GTF2I: variants seen among roughly 807,000 people sequenced by gnomAD.
The protein encoded by GTF2I is general transcription factor IIi.
GTF2I carries 12 observed loss-of-function variants against 67.6 expected under a neutral mutation model. That is an observed-to-expected ratio of 0.18 (90% CI 0.11 to 0.29). The LOEUF is 0.29. GTF2I is among the 10% of genes least tolerant of loss of function. GTF2I has a pLI of 1.00. For missense variants in GTF2I, 271 were observed against 580.1 expected, an observed-to-expected ratio of 0.47 and a Z score of 5.47; for synonymous variants, 149 against 197.0, an observed-to-expected ratio of 0.76 and a Z score of 2.04.
chr7:74,706,820 T>C (rs1247645718), intron 8 of GTF2I, among the ~76,000 whole-genome samples: 1 of 152,194 alleles, frequency 6.6e-6, no homozygotes, highest in Non-Finnish European at 1.5e-5. Flanking sequence ...CCATTTTCAA[T>C]TCTCAAATAA....
intron 19 of GTF2I, 131 bp from the exon 20 acceptor site, chr7:74,743,316 CTG>C: frequency 4.3e-6 from 1 of 234,904 alleles, no homozygotes; most frequent in Non-Finnish European, 7.9e-6. Flanking sequence ...GAGCAAGACT[CTG>C]TCTCAAAAAA....
intron 8 of GTF2I, among the ~76,000 whole-genome samples, chr7:74,710,051 G>C (rs1791331710): frequency 6.6e-6 from 1 of 152,194 alleles, no homozygotes; most frequent in South Asian, 2.1e-4. Flanking sequence ...AAAGGTCTCA[G>C]ATGCAGTGTT....
At chr7:74,732,111 A>C (rs587610298) in intron 14 of GTF2I, among the ~76,000 whole-genome samples, 1 of 147,780 alleles carries the variant, frequency 6.8e-6, no homozygotes, top group African/African-American at 2.5e-5. Context: ...ACACATATAC[A>C]TATATATGTA....
At chr7:74,668,083 C>T (rs13241211) in intron 1 of GTF2I, among the ~76,000 whole-genome samples, 4 of 151,486 alleles carry the variant, frequency 2.6e-5, no homozygotes, top group Non-Finnish European at 4.4e-5. Context: ...CCACTTGCCT[C>T]GGCCTCCCAA....
At chr7:74,718,059 C>T (rs1238943989) in intron 11 of GTF2I, among the ~76,000 whole-genome samples, 1 of 152,172 alleles carries the variant, frequency 6.6e-6, no homozygotes, top group Non-Finnish European at 1.5e-5. Context: ...ATGTGCAGTA[C>T]GAGGGCTCAT....
intron 1 of GTF2I, among the ~76,000 whole-genome samples, chr7:74,670,689 C>CAAAAAAAAACA (rs1218379931): frequency 1.2e-5 from 1 of 80,906 alleles, no homozygotes; most frequent in Non-Finnish European, 2.4e-5. Context: ...GACTCTTTCT[C>CAAAAAAAAACA]AAAAAAAAAC....
intron 3 of GTF2I, among the ~76,000 whole-genome samples, chr7:74,694,915 T>TA (rs1243503083): frequency 2.6e-5 from 4 of 152,166 alleles, no homozygotes; most frequent in African/African-American, 9.7e-5. Flanking sequence ...CCTGAAGAGT[T>TA]ACACTAAATC....
chr7:74,701,871 T>C (rs1789818841), intron 6 of GTF2I, among the ~76,000 whole-genome samples: 1 of 152,256 alleles, frequency 6.6e-6, no homozygotes, highest in Non-Finnish European at 1.5e-5. Flanking sequence ...TGGGATGCTT[T>C]CATCGTCCCT....
chr7:74,689,308 A>G, intron 2 of GTF2I, 81 bp downstream of exon 2: 1 of 606,650 alleles, frequency 1.6e-6, no homozygotes, highest in Non-Finnish European at 2.8e-6. Flanking sequence ...TGGAAGATAG[A>G]ATTTTATGGT....
rs1047255940 is a variant in GTF2I, at chr7:74,704,720, T to C, written c.587-444T>C. ...GAAAACAATTAGCTGGGAGTGGTAA[T>C]GCATGCTTCTGTAGTCCCAGCTACT... On this transcript the variant is annotated intron_variant, in intron 6 of 34. Coordinates refer to ENST00000573035, the MANE Select transcript of GTF2I (RefSeq NM_032999.4). 1.3e-4 allele frequency among the ~76,000 whole-genome samples: 19 copies of C among 151,946 alleles called. No homozygotes were observed. The Middle Eastern group carries it at 0.01, about 82-fold the overall frequency.
chr7:74,704,098 TGATAGCA>T (rs1156792788), intron 6 of GTF2I, among the ~76,000 whole-genome samples: 1 of 152,148 alleles, frequency 6.6e-6, no homozygotes, highest in East Asian at 1.9e-4. Context: ...ACAGCATTGG[TGATAGCA>T]GACATCACCT....
intron 1 of GTF2I, among the ~76,000 whole-genome samples, chr7:74,660,538 T>C (rs1343568940): frequency 6.6e-6 from 1 of 152,056 alleles, no homozygotes; most frequent in East Asian, 1.9e-4. Flanking sequence ...TCCTTCTTAG[T>C]CTCCCAATCA....
intron 6 of GTF2I, among the ~76,000 whole-genome samples, chr7:74,704,821 C>T (rs1165118190): frequency 7.7e-6 from 1 of 129,936 alleles, no homozygotes; most frequent in African/African-American, 2.9e-5. Context: ...TGCCACTGCA[C>T]ACCAACCTGG....
At chr7:74,660,425 C>A (rs1412230355) in intron 1 of GTF2I, among the ~76,000 whole-genome samples, 2 of 152,066 alleles carry the variant, frequency 1.3e-5, no homozygotes, top group African/African-American at 2.4e-5. Flanking sequence ...CTCCTGACTT[C>A]AGGTGATCCG....
chr7:74,735,577 CTGAG>C (rs1794791647), intron 17 of GTF2I, 45 bp downstream of exon 17: 1 of 282,256 alleles, frequency 3.5e-6, no homozygotes, highest in Non-Finnish European at 6.6e-6. Context: ...AAATGTATTA[CTGAG>C]TAACATTTTT....
chr7:74,691,537 G>A (rs1398574934), intron 3 of GTF2I, among the ~76,000 whole-genome samples: 2 of 151,978 alleles, frequency 1.3e-5, no homozygotes, highest in Non-Finnish European at 2.9e-5. Context: ...AACAGAATGA[G>A]GTTTAAACTA....
At chr7:74,726,266 G>C (rs1793766832) in intron 12 of GTF2I, among the ~76,000 whole-genome samples, 2 of 152,168 alleles carry the variant, frequency 1.3e-5, no homozygotes, top group South Asian at 4.1e-4. Flanking sequence ...TGCTTTGACA[G>C]TATTCATAGG....
intron 1 of GTF2I, among the ~76,000 whole-genome samples, chr7:74,659,026 C>T (rs1804221528): frequency 6.6e-6 from 1 of 152,056 alleles, no homozygotes; most frequent in African/African-American, 2.4e-5. Context: ...AGGTGGGGTG[C>T]TGTTGGAGTA....
intron 7 of GTF2I, among the ~76,000 whole-genome samples, chr7:74,705,692 G>A (rs1243458389): frequency 6.6e-6 from 1 of 151,780 alleles, no homozygotes; most frequent in Non-Finnish European, 1.5e-5. Flanking sequence ...CTCCCAAATA[G>A]CAGGGACTAC....
Sources: gnomAD v4.1 joint callset for allele counts (sites outside exome capture counted in the v4.1 genomes callset) on GRCh38, gnomAD v4.1.1 for gene constraint, MANE v1.5 for transcripts, NCBI Gene and HGNC (gene_info 2026-07-23, HGNC 2026-07-21) for gene names.